PLCZ1: variants seen among roughly 807,000 people sequenced by gnomAD.
The protein encoded by PLCZ1 is phospholipase C zeta 1, also known as 1-phosphatidylinositol 4,5-bisphosphate phosphodiesterase zeta-1.
In PLCZ1, 64 loss-of-function variants were observed where a neutral mutation model predicts 76.8. The observed-to-expected ratio is 0.83, with a 90% CI of 0.68 to 1.03. The LOEUF (loss-of-function observed/expected upper bound fraction) is 1.03, where lower values mean the gene tolerates loss of function less well. Among genes scored for constraint, PLCZ1 ranks in the 50% least tolerant of loss-of-function variants. The pLI, the probability that PLCZ1 is intolerant of heterozygous loss-of-function variation, is 0.00. For synonymous variants in PLCZ1, 248 were observed against 230.8 expected, an observed-to-expected ratio of 1.07 and a Z score of -0.68; for missense variants, 751 against 713.7, an observed-to-expected ratio of 1.05 and a Z score of -0.60.
In PLCZ1 at chr12:18,688,069, A is replaced by C. The variant is rs1479926453; in HGVS notation, c.1591+20T>G. 6.2e-7 allele frequency: 1 copy of C among 1,609,080 alleles called. No homozygotes were observed. The highest frequency in any genetic ancestry group is 1.7e-5 in the Admixed American group (1 of 59,890). ...ACAAGAAGTCTAATGGAAATTCAAT[A>C]AGGTATATCAGGAGCTCACCATTTT... On this transcript the variant is annotated intron_variant, in intron 13 of 14. Transcript: ENST00000266505.
intron 10 of PLCZ1, 75 bp downstream of exon 10, chr12:18,699,719 T>C (rs1476098301): frequency 2.8e-5 from 39 of 1,385,142 alleles, no homozygotes; most frequent in Non-Finnish European, 4.0e-5. Flanking sequence ...ATAAATATCA[T>C]TGAGCAATCT....
chr12:18,701,478 A>AT (rs1955909264), intron 9 of PLCZ1, 23 bp downstream of exon 9: 1 of 1,614,020 alleles, frequency 6.2e-7, no homozygotes, highest in African/African-American at 1.3e-5. Flanking sequence ...CACTTGTAAG[A>AT]TTTTCACAAA....
At chr12:18,693,436 G>T in intron 12 of PLCZ1, 1 of 1,604,992 alleles carries the variant, frequency 6.2e-7, no homozygotes. Context: ...AAGCCTCCAA[G>T]GGGGTCATTC....
intron 12 of PLCZ1, chr12:18,692,941 A>T (rs1954346980): frequency 6.6e-7 from 1 of 1,520,010 alleles, no homozygotes; most frequent in Non-Finnish European, 9.1e-7. Context: ...GTGACACCTC[A>T]CACTCAGTGC....
At chr12:18,669,161 T>C in the PLCZ1 span, among the ~76,000 whole-genome samples, 2 of 152,188 alleles carry the variant, frequency 1.3e-5, no homozygotes, top group African/African-American at 4.8e-5. Flanking sequence ...ATTCCTCTGA[T>C]GGGAAACTAA....
chr12:18,650,200 C>T, the PLCZ1 span, among the ~76,000 whole-genome samples: 1 of 151,786 alleles, frequency 6.6e-6, no homozygotes, highest in Admixed American at 6.6e-5. Flanking sequence ...TCTTTTCCCC[C>T]AGACCTGTTT....
Position 18,701,510 on chromosome 12 carries a change from C to T in PLCZ1, c.1008G>A (p.Lys336=). The change falls in exon 9 of 15, where the codon AAG becomes AAA. Residue 336 remains lysine (K), a synonymous_variant. Transcript: ENST00000266505. ...CAAAACACCACCTCACCTTCTTTTT[C>T]TTGAAAAGCATTACTCCAGGTAACT... ...VKKLPGVMLF[K]KKKTRKLKIA... is the part of the protein sequence containing the mutation. The T allele has an allele frequency of 6.2e-7, 1 of 1,613,994 alleles. No individual in the cohort carries two copies. The highest frequency in any genetic ancestry group is 8.5e-7 in the Non-Finnish European group (1 of 1,179,964).
At chr12:18,693,178 G>A in intron 12 of PLCZ1, 1 of 1,549,558 alleles carries the variant, frequency 6.5e-7, no homozygotes, top group South Asian at 1.1e-5. Context: ...CACTACATCA[G>A]CATTCTTTCA....
chr12:18,718,025 T>C (rs1381393896), intron 5 of PLCZ1, among the ~76,000 whole-genome samples: 1 of 152,102 alleles, frequency 6.6e-6, no homozygotes, highest in Non-Finnish European at 1.5e-5. Context: ...CAAAACTCTA[T>C]GGTGTCCTGT....
the PLCZ1 span, among the ~76,000 whole-genome samples, chr12:18,666,611 C>T: frequency 4.0e-4 from 61 of 152,236 alleles, 1 homozygote; most frequent in African/African-American, 1.4e-3. Context: ...GATAGTTCAA[C>T]AACATTTGGA....
At chr12:18,718,139 GTAGAT>G (rs1326571351) in intron 5 of PLCZ1, among the ~76,000 whole-genome samples, 1 of 152,090 alleles carries the variant, frequency 6.6e-6, no homozygotes, top group Non-Finnish European at 1.5e-5. Flanking sequence ...ATAATGTTTG[GTAGAT>G]TAGATATACT....
At chr12:18,680,170 A>T (rs1011645438), downstream of PLCZ1, among the ~76,000 whole-genome samples, 6 of 152,056 alleles carry the variant, frequency 3.9e-5, no homozygotes, top group African/African-American at 1.4e-4. Flanking sequence ...AATCCAGTCC[A>T]TATAGTCCCC....
intron 6 of PLCZ1, among the ~76,000 whole-genome samples, chr12:18,710,259 C>T (rs10459068): frequency 0.44 from 65,337 of 149,276 alleles, 16,906 homozygotes; most frequent in South Asian, 0.61. Context: ...AAGACTGTCA[C>T]TATTTTTTTT....
the PLCZ1 span, among the ~76,000 whole-genome samples, chr12:18,661,305 G>A: frequency 7.9e-5 from 12 of 151,786 alleles, no homozygotes; most frequent in East Asian, 1.2e-3. Context: ...GAAGTTTAAC[G>A]AACTCCAAAT....
At chr12:18,685,789 G>C (rs1461602741) in intron 13 of PLCZ1, 2 of 350,244 alleles carry the variant, frequency 5.7e-6, no homozygotes, top group East Asian at 1.5e-4. Flanking sequence ...TTACACATGT[G>C]CCTCTGCCTC....
the PLCZ1 span, among the ~76,000 whole-genome samples, chr12:18,676,006 T>G: frequency 8.1e-6 from 1 of 123,166 alleles, no homozygotes; most frequent in Non-Finnish European, 2.0e-5. Flanking sequence ...CTTCTGAATC[T>G]ATTTAAAAAA....
the PLCZ1 span, among the ~76,000 whole-genome samples, chr12:18,651,310 T>C: frequency 6.6e-6 from 1 of 152,122 alleles, no homozygotes. Flanking sequence ...CTGCCCTGCC[T>C]ACCTTGAACA....
the PLCZ1 span, among the ~76,000 whole-genome samples, chr12:18,659,984 G>A: frequency 1.3e-5 from 2 of 152,054 alleles, no homozygotes; most frequent in Non-Finnish European, 2.9e-5. Context: ...ATAAGTAAAT[G>A]TAAAAAACAA....
chr12:18,693,397 A>C, intron 12 of PLCZ1: 2 of 1,604,786 alleles, frequency 1.2e-6, no homozygotes, highest in Non-Finnish European at 8.5e-7. Context: ...CCTCTCACCC[A>C]TCCTGAATAT....
Sources: gnomAD v4.1 joint callset for allele counts (sites outside exome capture counted in the v4.1 genomes callset) on GRCh38, gnomAD v4.1.1 for gene constraint, MANE v1.5 for transcripts, NCBI Gene and HGNC (gene_info 2026-07-23, HGNC 2026-07-21) for gene names.